The following HMGCLL1 variants were observed in gnomAD, a reference collection of about 807,000 sequenced individuals.
HMGCLL1 encodes 3-hydroxymethyl-3-methylglutaryl-CoA lyase, cytoplasmic.
Under a neutral mutation model 39.1 loss-of-function variants are expected in HMGCLL1, and 36 were observed. The observed-to-expected ratio is 0.92, with a 90% CI of 0.71 to 1.22. HMGCLL1 has a LOEUF of 1.22. Ranked by LOEUF, HMGCLL1 falls within the 50% of genes most tolerant of loss-of-function variation. The pLI is 0.00. For synonymous variants in HMGCLL1, 149 were observed against 144.0 expected (o/e 1.03, Z -0.25); for missense variants, 451 against 416.5 (o/e 1.08, Z -0.72).
At chr6:55,570,576 C>T (rs1386748652) in intron 1 of HMGCLL1, among the ~76,000 whole-genome samples, 1 of 152,178 alleles carries the variant, frequency 6.6e-6, no homozygotes, top group African/African-American at 2.4e-5. Context: ...GCCATTAGAA[C>T]TTATTTCACC....
intron 1 of HMGCLL1, among the ~76,000 whole-genome samples, chr6:55,544,060 T>G (rs1769808495): frequency 6.6e-6 from 1 of 152,052 alleles, no homozygotes; most frequent in South Asian, 2.1e-4. Context: ...AGCTACCACC[T>G]AAGTGTCGCT....
chr6:55,623,865 C>T, the HMGCLL1 span, among the ~76,000 whole-genome samples: 3 of 152,008 alleles, frequency 2.0e-5, 1 homozygote, highest in Non-Finnish European at 4.4e-5. Flanking sequence ...TATGTCTATG[C>T]CTATGCCAAT....
intron 7 of HMGCLL1, among the ~76,000 whole-genome samples, chr6:55,483,455 G>A (rs1334254496): frequency 6.6e-6 from 1 of 151,940 alleles, no homozygotes; most frequent in Non-Finnish European, 1.5e-5. Context: ...TAGTAGAGAC[G>A]GGGTTTTACC....
chr6:55,439,570 A>C lies in HMGCLL1; in HGVS notation c.796-11T>G, dbSNP rs1763510690. On this transcript the variant is annotated splice_polypyrimidine_tract_variant and intron_variant, in intron 7 of 8. Coordinates refer to ENST00000274901, the MANE Select transcript of HMGCLL1 (RefSeq NM_001042406.2). ...CACATTAATTCCCATCTGGAAAACA[A>C]ACCAAACCACCTAAAGCTTGTGTGT... 1 of 1,611,072 alleles carries C rather than the reference A, an allele frequency of 6.2e-7. No homozygotes were observed. Among genetic ancestry groups the C allele is most frequent in the South Asian group, 1.1e-5 (1 of 90,790 alleles).
chr6:55,531,712 C>A (rs557874481), intron 3 of HMGCLL1, among the ~76,000 whole-genome samples: 12 of 152,106 alleles, frequency 7.9e-5, no homozygotes, highest in African/African-American at 2.6e-4. Context: ...GCAGCCACTC[C>A]CCATCACTCA....
At chr6:55,454,846 T>TG (rs1764253232) in intron 7 of HMGCLL1, among the ~76,000 whole-genome samples, 1 of 152,234 alleles carries the variant, frequency 6.6e-6, no homozygotes, top group Non-Finnish European at 1.5e-5. Flanking sequence ...TATTCCACCA[T>TG]TTATTAGGAG....
At chr6:55,496,003 A>G (rs1394260312) in intron 6 of HMGCLL1, among the ~76,000 whole-genome samples, 1 of 151,584 alleles carries the variant, frequency 6.6e-6, no homozygotes, top group African/African-American at 2.4e-5. Context: ...TTTAGGGGTC[A>G]AAATAGTAAT....
chr6:55,486,522 A>G (rs890523647), intron 7 of HMGCLL1, among the ~76,000 whole-genome samples: 10 of 152,194 alleles, frequency 6.6e-5, no homozygotes, highest in Middle Eastern at 3.4e-3. Flanking sequence ...AGGTCTCTGC[A>G]TCTGTTCTCA....
the HMGCLL1 span, among the ~76,000 whole-genome samples, chr6:55,592,536 T>C: frequency 1.3e-5 from 2 of 152,048 alleles, no homozygotes; most frequent in Non-Finnish European, 2.9e-5. Context: ...TTCTTTGTTG[T>C]GGGTGGTGTC....
At chr6:55,516,689 A>C in intron 3 of HMGCLL1, 86 bp from the exon 4 acceptor site, 1 of 805,228 alleles carries the variant, frequency 1.2e-6, no homozygotes, top group Non-Finnish European at 2.1e-6. Flanking sequence ...TTATAGTTAC[A>C]TGGACAGTTA....
intron 3 of HMGCLL1, among the ~76,000 whole-genome samples, chr6:55,526,005 C>T (rs923543532): frequency 1.3e-5 from 2 of 151,862 alleles, no homozygotes; most frequent in Non-Finnish European, 2.9e-5. Flanking sequence ...GATCTGACAT[C>T]CATGACCAAT....
the HMGCLL1 span, among the ~76,000 whole-genome samples, chr6:55,604,851 T>C: frequency 1.4e-4 from 22 of 152,224 alleles, no homozygotes; most frequent in Non-Finnish European, 5.9e-5. Flanking sequence ...TTACAGGGAA[T>C]ATTGTAAGCA....
the HMGCLL1 span, among the ~76,000 whole-genome samples, chr6:55,593,940 A>G: frequency 1.3e-5 from 2 of 152,198 alleles, no homozygotes; most frequent in Non-Finnish European, 2.9e-5. Flanking sequence ...TTATAAACCT[A>G]AACGGTTTGG....
At chr6:55,472,534 T>C (rs998232942) in intron 7 of HMGCLL1, among the ~76,000 whole-genome samples, 2 of 151,700 alleles carry the variant, frequency 1.3e-5, no homozygotes, top group East Asian at 1.9e-4. Context: ...TCCTTTGTCA[T>C]GTATATTAAT....
chr6:55,592,736 A>G, the HMGCLL1 span, among the ~76,000 whole-genome samples: 1 of 152,060 alleles, frequency 6.6e-6, no homozygotes, highest in Non-Finnish European at 1.5e-5. Flanking sequence ...TCTGCTGAGC[A>G]TTTTTCAAGT....
At chr6:55,480,016 G>T (rs766348743) in intron 7 of HMGCLL1, among the ~76,000 whole-genome samples, 1 of 151,728 alleles carries the variant, frequency 6.6e-6, no homozygotes, top group Non-Finnish European at 1.5e-5. Context: ...AGAAGTGAGA[G>T]AGTTTCCCCA....
At chr6:55,577,256 A>C in intron 1 of HMGCLL1, 1 of 1,482,244 alleles carries the variant, frequency 6.7e-7, no homozygotes, top group Non-Finnish European at 9.2e-7. Context: ...TCACAATTCA[A>C]CAGTATTGGA....
At chr6:55,630,115 C>T in the HMGCLL1 span, among the ~76,000 whole-genome samples, 1 of 152,250 alleles carries the variant, frequency 6.6e-6, no homozygotes, top group East Asian at 1.9e-4. Flanking sequence ...CAGACACTCT[C>T]GCCAGCCTGT....
At chr6:55,535,817 T>C (rs1425770019) in intron 3 of HMGCLL1, among the ~76,000 whole-genome samples, 2 of 152,194 alleles carry the variant, frequency 1.3e-5, no homozygotes, top group East Asian at 3.9e-4. Flanking sequence ...CTGTACCTTA[T>C]AAGCAAGCAA....
Sources: allele counts gnomAD v4.1 joint callset (sites outside exome capture counted in the v4.1 genomes callset), GRCh38; gene constraint gnomAD v4.1.1; transcripts MANE v1.5; gene names NCBI Gene and HGNC (gene_info 2026-07-23, HGNC 2026-07-21).